Variants in KCNH7 observed in about 807,000 individuals in gnomAD.
KCNH7 encodes potassium voltage-gated channel subfamily H member 7.
Under a neutral mutation model 120.8 loss-of-function variants are expected in KCNH7, and 49 were observed. The observed-to-expected ratio is 0.41, with a 90% CI of 0.32 to 0.51. KCNH7 has a LOEUF of 0.51. Among genes scored for constraint, KCNH7 ranks in the 20% least tolerant of loss-of-function variants. The pLI, the probability that KCNH7 is intolerant of heterozygous loss-of-function variation, is 0.38. For synonymous variants in KCNH7, 547 were observed against 516.1 expected (o/e 1.06, Z -0.81); for missense variants, 1,097 against 1,446.6 (o/e 0.76, Z 3.92).
chr2:162,689,392 T>C (rs1457353856), intron 2 of KCNH7, among the ~76,000 whole-genome samples: 1 of 152,042 alleles, frequency 6.6e-6, no homozygotes, highest in Non-Finnish European at 1.5e-5. Context: ...CCTCAGGTGA[T>C]CCACCTGCCT....
chr2:162,402,806 T>C (rs886857640), intron 9 of KCNH7, among the ~76,000 whole-genome samples: 1 of 151,814 alleles, frequency 6.6e-6, no homozygotes, highest in African/African-American at 2.4e-5. Context: ...TGTGTGTGCA[T>C]GTCTGTGTGT....
At chr2:162,624,716 A>C (rs1426772200) in intron 2 of KCNH7, among the ~76,000 whole-genome samples, 1 of 151,904 alleles carries the variant, frequency 6.6e-6, no homozygotes, top group Non-Finnish European at 1.5e-5. Context: ...AACTTTAATC[A>C]TTTTTAGTAA....
chr2:162,551,003 A>G (rs892978144), intron 2 of KCNH7, among the ~76,000 whole-genome samples: 9 of 152,126 alleles, frequency 5.9e-5, no homozygotes, highest in Non-Finnish European at 1.3e-4. Context: ...AAGATAAATG[A>G]CTTTCCAAGA....
intron 2 of KCNH7, among the ~76,000 whole-genome samples, chr2:162,704,330 A>G (rs1686619049): frequency 6.6e-6 from 1 of 152,172 alleles, no homozygotes; most frequent in East Asian, 1.9e-4. Context: ...TTACTTTAAT[A>G]TGTTCAACAA....
intron 2 of KCNH7, among the ~76,000 whole-genome samples, chr2:162,641,877 A>G (rs1307360911): frequency 6.6e-6 from 1 of 150,812 alleles, no homozygotes; most frequent in Non-Finnish European, 1.5e-5. Flanking sequence ...ATCCCAGAAT[A>G]AAAAGCTTAA....
intron 2 of KCNH7, among the ~76,000 whole-genome samples, chr2:162,553,062 G>T (rs563713238): frequency 6.6e-6 from 1 of 152,282 alleles, no homozygotes; most frequent in Non-Finnish European, 1.5e-5. Context: ...CACAGCAAAA[G>T]CTACTTCTGG....
chr2:162,771,748 T>A (rs1683061000), intron 2 of KCNH7, among the ~76,000 whole-genome samples: 1 of 152,158 alleles, frequency 6.6e-6, no homozygotes, highest in Non-Finnish European at 1.5e-5. Context: ...GCCTTTTATC[T>A]GATCTCGTAT....
intron 2 of KCNH7, among the ~76,000 whole-genome samples, chr2:162,612,010 G>A (rs540265421): frequency 6.6e-6 from 1 of 152,240 alleles, no homozygotes; most frequent in African/African-American, 2.4e-5. Flanking sequence ...CCAATATAAA[G>A]GATAGAATTT....
intron 3 of KCNH7, among the ~76,000 whole-genome samples, chr2:162,524,495 ATATAGCCATCTTT>A (rs1374516504): frequency 3.3e-5 from 5 of 152,040 alleles, no homozygotes; most frequent in Non-Finnish European, 7.4e-5. Flanking sequence ...AGAGAGAGAA[ATATAGCCATCTTT>A]TGGCCTGAAA....
chr2:162,521,756 T>C (rs558257426), intron 3 of KCNH7, among the ~76,000 whole-genome samples: 5 of 151,910 alleles, frequency 3.3e-5, no homozygotes, highest in Non-Finnish European at 5.9e-5. Context: ...GTCAGAAACA[T>C]TCCAATTCTA....
intron 8 of KCNH7, among the ~76,000 whole-genome samples, chr2:162,433,060 T>A (rs1381199352): frequency 1.3e-5 from 2 of 151,976 alleles, no homozygotes; most frequent in African/African-American, 2.4e-5. Context: ...TAGCGGGGAA[T>A]ACATCTAACC....
chr2:162,491,382 G>A (rs1230812637), intron 6 of KCNH7, among the ~76,000 whole-genome samples: 2 of 152,132 alleles, frequency 1.3e-5, no homozygotes, highest in Non-Finnish European at 2.9e-5. Context: ...CCTTTGAGAG[G>A]CATTTTACTA....
At chr2:162,609,818 G>T (rs1682901587) in intron 2 of KCNH7, among the ~76,000 whole-genome samples, 1 of 152,142 alleles carries the variant, frequency 6.6e-6, no homozygotes, top group Non-Finnish European at 1.5e-5. Flanking sequence ...GGGTGGAGGG[G>T]CAGGAAAAGG....
In KCNH7 at chr2:162,526,652, G is replaced by T. The variant is rs527600028; in HGVS notation, c.464-8494C>A. Among the ~76,000 whole-genome samples, 6 of 152,092 alleles carry T rather than the reference G, an allele frequency of 3.9e-5. No homozygotes were observed. In the East Asian group the frequency reaches 9.8e-4, roughly 25 times the overall value. On this transcript the variant is annotated intron_variant, in intron 3 of 15. Coordinates refer to ENST00000332142, the MANE Select transcript of KCNH7 (RefSeq NM_033272.4). ...GGCTCACCGGCGGTCAGAGTTTAAG[G>T]TTATCTCTCTTGTTCCCTGAACATT...
At chr2:162,662,178 G>A (rs535460047) in intron 2 of KCNH7, among the ~76,000 whole-genome samples, 27 of 152,154 alleles carry the variant, frequency 1.8e-4, no homozygotes, top group African/African-American at 6.0e-4. Flanking sequence ...CAGGAGAATC[G>A]CTTGAACCCA....
At chr2:162,544,352 A>G (rs998890382) in intron 2 of KCNH7, among the ~76,000 whole-genome samples, 8 of 152,150 alleles carry the variant, frequency 5.3e-5, no homozygotes, top group African/African-American at 1.9e-4. Context: ...ACATTTTAGA[A>G]AAAAAGGTAA....
intron 2 of KCNH7, among the ~76,000 whole-genome samples, chr2:162,826,296 GT>G (rs1051686152): frequency 2.6e-5 from 4 of 152,048 alleles, no homozygotes; most frequent in Non-Finnish European, 5.9e-5. Context: ...GGCTGGGATG[GT>G]TTGTAAACAT....
chr2:162,729,672 A>G (rs1368284667), intron 2 of KCNH7, among the ~76,000 whole-genome samples: 1 of 152,208 alleles, frequency 6.6e-6, no homozygotes, highest in African/African-American at 2.4e-5. Context: ...TGCTGACTAT[A>G]AGTAATAAGA....
intron 3 of KCNH7, among the ~76,000 whole-genome samples, chr2:162,520,633 G>T (rs1405344877): frequency 6.6e-6 from 1 of 151,716 alleles, no homozygotes; most frequent in Non-Finnish European, 1.5e-5. Context: ...ACTAGGTATG[G>T]TGGCATATGC....
Sources: allele counts gnomAD v4.1 joint callset (sites outside exome capture counted in the v4.1 genomes callset), GRCh38; gene constraint gnomAD v4.1.1; transcripts MANE v1.5; gene names NCBI Gene and HGNC (gene_info 2026-07-23, HGNC 2026-07-21).